ZNF540: variants seen among roughly 807,000 people sequenced by gnomAD.
ZNF540 encodes the protein CTD-3064H18.6.
ZNF540 carries 3 observed loss-of-function variants against 11.8 expected under a neutral mutation model. The observed-to-expected ratio is 0.25, with a 90% CI of 0.12 to 0.65. The LOEUF (loss-of-function observed/expected upper bound fraction) is 0.65, where lower values mean the gene tolerates loss of function less well. Ranked by LOEUF, ZNF540 falls within the 30% of genes least tolerant of loss-of-function variation. The pLI, the probability that ZNF540 is intolerant of heterozygous loss-of-function variation, is 0.83. For missense variants in ZNF540, 709 were observed against 793.1 expected (o/e 0.89, Z 1.27); for synonymous variants, 247 against 259.0 (o/e 0.95, Z 0.45).
intron 4 of ZNF540, among the ~76,000 whole-genome samples, chr19:37,605,049 T>C (rs2044072978): frequency 6.6e-6 from 1 of 152,278 alleles, no homozygotes; most frequent in African/African-American, 2.4e-5. Flanking sequence ...GTTTCTAGTC[T>C]TTCGCAGGCA....
At chr19:37,602,412 CCTA>C (rs2044046186) in intron 4 of ZNF540, among the ~76,000 whole-genome samples, 1 of 152,290 alleles carries the variant, frequency 6.6e-6, no homozygotes, top group South Asian at 2.1e-4. Context: ...GCTGATCTGA[CCTA>C]CTACCTGTTT....
At chr19:37,586,532 A>T in intron 1 of ZNF540, 1 of 919,104 alleles carries the variant, frequency 1.1e-6, no homozygotes, top group Non-Finnish European at 1.7e-6. Flanking sequence ...TGCTACTATT[A>T]CTCGCTAGAA....
At chr19:37,583,757 A>T in intron 1 of ZNF540, 1 of 459,518 alleles carries the variant, frequency 2.2e-6, no homozygotes, top group Non-Finnish European at 3.9e-6. Flanking sequence ...AATCTAGTCC[A>T]TTGGCATCAA....
intron 1 of ZNF540, chr19:37,583,874 G>C (rs1032324050): frequency 1.0e-5 from 13 of 1,301,870 alleles, no homozygotes; most frequent in Non-Finnish European, 1.4e-5. Context: ...CTACTCAAAC[G>C]TAAGCCTTTC....
At chr19:37,575,267 T>C (rs2043204400) in intron 1 of ZNF540, among the ~76,000 whole-genome samples, 1 of 152,352 alleles carries the variant, frequency 6.6e-6, no homozygotes, top group Non-Finnish European at 1.5e-5. Flanking sequence ...TTATGCTTGA[T>C]TGTACATTGT....
chr19:37,561,221 A>ATC, intron 1 of ZNF540, among the ~76,000 whole-genome samples: 1 of 152,094 alleles, frequency 6.6e-6, no homozygotes, highest in East Asian at 1.9e-4. Context: ...GGTGACAGAG[A>ATC]GCCCACCTCT....
intron 1 of ZNF540, among the ~76,000 whole-genome samples, chr19:37,596,679 T>A (rs989967486): frequency 6.6e-6 from 1 of 152,174 alleles, no homozygotes; most frequent in Non-Finnish European, 1.5e-5. Context: ...AGGAGTGGGA[T>A]TACTGAAACA....
At chr19:37,565,285 G>C (rs1218007905) in intron 1 of ZNF540, 1 of 1,610,090 alleles carries the variant, frequency 6.2e-7, no homozygotes, top group Non-Finnish European at 8.5e-7. Flanking sequence ...GAACTCTCAG[G>C]TGGTAAGTAA....
upstream of ZNF540, among the ~76,000 whole-genome samples, chr19:37,592,702 G>C (rs2043902331): frequency 6.6e-6 from 1 of 152,218 alleles, no homozygotes; most frequent in African/African-American, 2.4e-5. Flanking sequence ...ATGAATTAAA[G>C]GTGATTTAGG....
intron 1 of ZNF540, among the ~76,000 whole-genome samples, chr19:37,584,585 C>T (rs1383748752): frequency 1.3e-5 from 2 of 152,048 alleles, no homozygotes; most frequent in Non-Finnish European, 2.9e-5. Flanking sequence ...TCAGATTCAT[C>T]AAGTTATATT....
chr19:37,607,775 G>A (rs2147232259), intron 4 of ZNF540, among the ~76,000 whole-genome samples: 1 of 152,288 alleles, frequency 6.6e-6, no homozygotes, highest in East Asian at 1.9e-4. Flanking sequence ...ATGCATTTGT[G>A]TGCAGGTTTT....
At chr19:37,551,692 G>C (rs1334928294) in intron 1 of ZNF540, 2 of 152,520 alleles carry the variant, frequency 1.3e-5, no homozygotes, top group Non-Finnish European at 1.5e-5. Flanking sequence ...TGTGTGTACC[G>C]GGGCTGCTGT....
intron 1 of ZNF540, among the ~76,000 whole-genome samples, chr19:37,561,666 T>C (rs1568336253): frequency 6.6e-6 from 1 of 152,236 alleles, no homozygotes; most frequent in East Asian, 1.9e-4. Flanking sequence ...GCTCTACGTA[T>C]TTTGGGAATT....
At chr19:37,556,462 C>T (rs535192081) in intron 1 of ZNF540, among the ~76,000 whole-genome samples, 146 of 152,232 alleles carry the variant, frequency 9.6e-4, no homozygotes, top group African/African-American at 3.3e-3. Context: ...GCAGGAATGC[C>T]GTCCACCTTC....
At chr19:37,558,634 A>G (rs748466273) in intron 1 of ZNF540, among the ~76,000 whole-genome samples, 1 of 152,224 alleles carries the variant, frequency 6.6e-6, no homozygotes, top group African/African-American at 2.4e-5. Context: ...ACCTCTGTGC[A>G]CATTTCTGAA....
chr19:37,574,353 C>T (rs1401483557), intron 1 of ZNF540, among the ~76,000 whole-genome samples: 1 of 152,112 alleles, frequency 6.6e-6, no homozygotes, highest in South Asian at 2.1e-4. Context: ...TCAACTTTAA[C>T]TCAAATCAAC....
chr19:37,587,185 TG>T (rs962497710), intron 1 of ZNF540: 3 of 153,106 alleles, frequency 2.0e-5, no homozygotes, highest in Admixed American at 1.3e-4. Context: ...CCCACTCCCC[TG>T]AATCTAGTTC....
At chr19:37,608,517 T>C (rs763729665) in intron 4 of ZNF540, among the ~76,000 whole-genome samples, 2 of 152,236 alleles carry the variant, frequency 1.3e-5, no homozygotes, top group Non-Finnish European at 2.9e-5. Context: ...TCCTGCCATA[T>C]CTGACTCTCA....
intron 2 of ZNF540, among the ~76,000 whole-genome samples, chr19:37,598,857 C>T (rs2044016712): frequency 6.6e-6 from 1 of 152,104 alleles, no homozygotes; most frequent in Non-Finnish European, 1.5e-5. Flanking sequence ...GTGGTTGGGG[C>T]CTGCTTATAG....
Sources: allele counts gnomAD v4.1 joint callset (sites outside exome capture counted in the v4.1 genomes callset), GRCh38; gene constraint gnomAD v4.1.1; transcripts MANE v1.5; gene names NCBI Gene and HGNC (gene_info 2026-07-23, HGNC 2026-07-21).